The following FSTL4 variants were observed in gnomAD, a reference collection of about 807,000 sequenced individuals.
The protein encoded by FSTL4 is follistatin like 4.
In FSTL4, 28 loss-of-function variants were observed where a neutral mutation model predicts 78.2. The observed-to-expected ratio is 0.36, with a 90% CI of 0.27 to 0.49. The LOEUF is 0.49. FSTL4 is among the 20% of genes least tolerant of loss of function. The probability of loss-of-function intolerance (pLI) is 0.98; values close to 1 mark genes in which losing one functional copy is unlikely to be tolerated. For synonymous variants in FSTL4, 422 were observed against 440.5 expected (o/e 0.96, Z 0.53); for missense variants, 922 against 1,084.9 (o/e 0.85, Z 2.11).
chr5:133,403,620 C>G (rs191277269), intron 3 of FSTL4, among the ~76,000 whole-genome samples: 1 of 152,124 alleles, frequency 6.6e-6, no homozygotes, highest in Non-Finnish European at 1.5e-5. Context: ...ATGTGTTGAC[C>G]CGGTAGGGGT....
chr5:133,571,142 T>C (rs1019758755), intron 2 of FSTL4, among the ~76,000 whole-genome samples: 2 of 151,914 alleles, frequency 1.3e-5, no homozygotes, highest in African/African-American at 4.8e-5. Flanking sequence ...TAAGTATAGA[T>C]TTTGAAAGTA....
chr5:133,223,202 G>A (rs1751207848), intron 11 of FSTL4, among the ~76,000 whole-genome samples: 1 of 152,236 alleles, frequency 6.6e-6, no homozygotes, highest in South Asian at 2.1e-4. Flanking sequence ...CTAAGGGGCC[G>A]CTGTGATCAG....
the FSTL4 span, among the ~76,000 whole-genome samples, chr5:133,698,423 G>T: frequency 6.6e-6 from 1 of 152,320 alleles, no homozygotes; most frequent in African/African-American, 2.4e-5. Flanking sequence ...TCCCAACTCT[G>T]CCACTTATCA....
At chr5:133,227,254 G>A (rs1751362177) in intron 8 of FSTL4, among the ~76,000 whole-genome samples, 1 of 152,196 alleles carries the variant, frequency 6.6e-6, no homozygotes, top group African/African-American at 2.4e-5. Context: ...AGAATGCCAG[G>A]GAGTGGCAGA....
the FSTL4 span, among the ~76,000 whole-genome samples, chr5:133,641,230 A>AAAAAC: frequency 8.5e-4 from 129 of 152,224 alleles, no homozygotes; most frequent in African/African-American, 2.8e-3. Context: ...TGATAGCCTA[A>AAAAAC]AAAACAAAAC....
chr5:133,628,989 C>A, the FSTL4 span, among the ~76,000 whole-genome samples: 1 of 131,804 alleles, frequency 7.6e-6, no homozygotes, highest in African/African-American at 2.9e-5. Flanking sequence ...ATTGCCCTGG[C>A]CAGAACTTCC....
the FSTL4 span, among the ~76,000 whole-genome samples, chr5:133,625,724 C>CATATATATATATAT: frequency 1.7e-5 from 1 of 58,828 alleles, no homozygotes; most frequent in Non-Finnish European, 3.0e-5. Context: ...GAGACAGTTC[C>CATATATATATATAT]ATATATATAT....
chr5:133,663,802 C>T, the FSTL4 span, among the ~76,000 whole-genome samples: 1 of 152,184 alleles, frequency 6.6e-6, no homozygotes, highest in African/African-American at 2.4e-5. Context: ...ATGTAAGCTG[C>T]GGGGTCCTCA....
At chr5:133,402,891 G>C (rs1756267868) in intron 3 of FSTL4, among the ~76,000 whole-genome samples, 1 of 152,240 alleles carries the variant, frequency 6.6e-6, no homozygotes. Context: ...GTGGCATTCA[G>C]CGGCCCCTCT....
intron 3 of FSTL4, among the ~76,000 whole-genome samples, chr5:133,449,520 G>A (rs1476147660): frequency 6.6e-6 from 1 of 152,224 alleles, no homozygotes; most frequent in African/African-American, 2.4e-5. Flanking sequence ...AGACAAGCCC[G>A]TGGTTTGGGA....
the FSTL4 span, among the ~76,000 whole-genome samples, chr5:133,697,034 T>C: frequency 1.3e-5 from 2 of 152,064 alleles, no homozygotes; most frequent in Non-Finnish European, 2.9e-5. Context: ...CACAGGGCGA[T>C]TAGGAGGAAT....
chr5:133,541,449 A>G (rs909635038), intron 3 of FSTL4, among the ~76,000 whole-genome samples: 4 of 152,130 alleles, frequency 2.6e-5, no homozygotes, highest in African/African-American at 9.7e-5. Context: ...CTACCCTGTC[A>G]TCTACGATTT....
chr5:133,373,750 C>T (rs2126946039), intron 4 of FSTL4, among the ~76,000 whole-genome samples: 1 of 152,316 alleles, frequency 6.6e-6, no homozygotes, highest in Middle Eastern at 3.4e-3. Flanking sequence ...CTCCATCTCC[C>T]TGGGTGGGGC....
intron 4 of FSTL4, among the ~76,000 whole-genome samples, chr5:133,364,520 G>A (rs1205141778): frequency 6.6e-6 from 1 of 152,224 alleles, no homozygotes; most frequent in African/African-American, 2.4e-5. Flanking sequence ...CCTCCTGCAG[G>A]AATCATCCCT....
At chr5:133,387,904 A>T (rs1755740473) in intron 4 of FSTL4, 1 of 151,990 alleles carries the variant, frequency 6.6e-6, no homozygotes, top group Non-Finnish European at 1.5e-5. Flanking sequence ...ACACCAGTGA[A>T]GGCAGGAGGT....
At chr5:133,203,607 A>G (rs1051103649) in intron 14 of FSTL4, among the ~76,000 whole-genome samples, 1 of 152,112 alleles carries the variant, frequency 6.6e-6, no homozygotes, top group Non-Finnish European at 1.5e-5. Flanking sequence ...GATTACTTCT[A>G]TGGTAAGCTC....
chr5:133,337,913 AAGAAATGG>A (rs1278482191), intron 4 of FSTL4, among the ~76,000 whole-genome samples: 1 of 152,242 alleles, frequency 6.6e-6, no homozygotes, highest in East Asian at 1.9e-4. Context: ...ATACTGTTTG[AAGAAATGG>A]AGATCAAATG....
At chr5:133,200,870 A>C (rs548522919) in intron 15 of FSTL4, among the ~76,000 whole-genome samples, 15 of 152,366 alleles carry the variant, frequency 9.8e-5, no homozygotes, top group African/African-American at 3.4e-4. Context: ...GCATGGAAAT[A>C]GCAAGAAAGA....
the FSTL4 span, among the ~76,000 whole-genome samples, chr5:133,820,076 G>T: frequency 9.0e-4 from 137 of 152,246 alleles, no homozygotes; most frequent in Non-Finnish European, 1.8e-3. Context: ...ACGGCACGGC[G>T]CAGGTTCTGC....
Sources: allele counts gnomAD v4.1 joint callset (sites outside exome capture counted in the v4.1 genomes callset), GRCh38; gene constraint gnomAD v4.1.1; transcripts MANE v1.5; gene names NCBI Gene and HGNC (gene_info 2026-07-23, HGNC 2026-07-21).